MOB1B: variants seen among roughly 807,000 people sequenced by gnomAD.
MOB1B encodes MOB kinase activator 1B.
A neutral mutation model predicts 24.4 loss-of-function variants in MOB1B; 19 were observed. The ratio of observed to expected loss-of-function variants is 0.78; its 90% CI spans 0.54 to 1.14. The LOEUF is 1.14. Among genes scored for constraint, MOB1B ranks in the 50% most tolerant of loss-of-function variants. The pLI, the probability that MOB1B is intolerant of heterozygous loss-of-function variation, is 0.00. For missense variants in MOB1B, 243 were observed against 259.6 expected (o/e 0.94, Z 0.44); for synonymous variants, 76 against 82.1 (o/e 0.93, Z 0.40).
intron 1 of MOB1B, among the ~76,000 whole-genome samples, chr4:70,933,220 C>T (rs970981261): frequency 6.6e-6 from 1 of 152,160 alleles, no homozygotes; most frequent in Non-Finnish European, 1.5e-5. Context: ...AAATCACTGT[C>T]ACAAGAACAG....
chr4:70,955,914 T>C (rs915841193), intron 1 of MOB1B, among the ~76,000 whole-genome samples: 4 of 152,106 alleles, frequency 2.6e-5, no homozygotes, highest in Non-Finnish European at 5.9e-5. Flanking sequence ...TTTATTTTTA[T>C]TTTTTGGAGG....
chr4:70,910,649 CCTTTAT>C (rs1254039040), intron 1 of MOB1B, among the ~76,000 whole-genome samples: 1 of 151,762 alleles, frequency 6.6e-6, no homozygotes, highest in African/African-American at 2.4e-5. Context: ...ATATTTTTAA[CCTTTAT>C]CTTTAGTGTA....
intron 1 of MOB1B, among the ~76,000 whole-genome samples, chr4:70,923,541 A>G (rs1441868985): frequency 6.6e-6 from 1 of 152,094 alleles, no homozygotes; most frequent in Non-Finnish European, 1.5e-5. Context: ...CTGTCTGCCT[A>G]AGTCTTTTTG....
intron 2 of MOB1B, among the ~76,000 whole-genome samples, chr4:70,969,510 G>A (rs1016961063): frequency 6.6e-6 from 1 of 152,148 alleles, no homozygotes; most frequent in African/African-American, 2.4e-5. Context: ...CTATGGAATG[G>A]CATCTCACTA....
At chr4:70,934,598 C>T (rs183270345) in intron 1 of MOB1B, among the ~76,000 whole-genome samples, 116 of 151,536 alleles carry the variant, frequency 7.7e-4, no homozygotes, top group Admixed American at 3.9e-3. Flanking sequence ...GGATTACAGG[C>T]GACTGCCACC....
intron 1 of MOB1B, among the ~76,000 whole-genome samples, chr4:70,946,991 G>T (rs918342340): frequency 6.6e-6 from 1 of 152,064 alleles, no homozygotes; most frequent in South Asian, 2.1e-4. Context: ...TCAAAACTAG[G>T]GTGCTTCAAA....
At chr4:70,954,596 C>T (rs1430978818) in intron 1 of MOB1B, among the ~76,000 whole-genome samples, 1 of 151,278 alleles carries the variant, frequency 6.6e-6, no homozygotes, top group Non-Finnish European at 1.5e-5. Context: ...GCTGGGATTA[C>T]AGGCCTGCGC....
At chr4:70,926,891 G>A (rs542716743) in intron 1 of MOB1B, among the ~76,000 whole-genome samples, 6 of 152,134 alleles carry the variant, frequency 3.9e-5, no homozygotes, top group African/African-American at 1.4e-4. Context: ...CATCTACTTG[G>A]GAGGCTGAGG....
At chr4:70,930,148 ATAGTC>A (rs1352934715) in intron 1 of MOB1B, among the ~76,000 whole-genome samples, 1 of 152,194 alleles carries the variant, frequency 6.6e-6, no homozygotes, top group Non-Finnish European at 1.5e-5. Flanking sequence ...AGCATATAGT[ATAGTC>A]TATAAGGGTG....
intron 5 of MOB1B, among the ~76,000 whole-genome samples, chr4:70,981,458 CTTTAA>C (rs1354940816): frequency 2.0e-5 from 3 of 152,138 alleles, no homozygotes; most frequent in African/African-American, 4.8e-5. Flanking sequence ...CTTCACAGGA[CTTTAA>C]TTTATCATTT....
At chr4:70,904,936 A>G (rs1224158964) in intron 1 of MOB1B, among the ~76,000 whole-genome samples, 1 of 152,158 alleles carries the variant, frequency 6.6e-6, no homozygotes. Context: ...CCTGAAGGTT[A>G]GTAACTACAA....
intron 1 of MOB1B, among the ~76,000 whole-genome samples, chr4:70,933,736 G>C (rs1036818562): frequency 4.6e-5 from 7 of 151,996 alleles, no homozygotes; most frequent in African/African-American, 1.7e-4. Context: ...ATTTTTAGTA[G>C]AGATGGGGTT....
chr4:70,921,050 A>T (rs1736417650), intron 1 of MOB1B, among the ~76,000 whole-genome samples: 2 of 152,282 alleles, frequency 1.3e-5, no homozygotes, highest in South Asian at 2.1e-4. Flanking sequence ...ATGGTTTTTT[A>T]TATATATGCA....
At chr4:70,905,793 A>G (rs913628888) in intron 1 of MOB1B, among the ~76,000 whole-genome samples, 65 of 152,194 alleles carry the variant, frequency 4.3e-4, no homozygotes, top group African/African-American at 1.4e-3. Flanking sequence ...GGCCGGGCAC[A>G]GTGGCTCCTG....
intron 1 of MOB1B, among the ~76,000 whole-genome samples, chr4:70,943,613 A>G (rs2148886215): frequency 6.6e-6 from 1 of 152,320 alleles, no homozygotes; most frequent in African/African-American, 2.4e-5. Context: ...AAAAATACCC[A>G]AGTGAATAAG....
chr4:70,963,702 C>A (rs1246904019), intron 2 of MOB1B, among the ~76,000 whole-genome samples: 1 of 152,088 alleles, frequency 6.6e-6, no homozygotes, highest in Non-Finnish European at 1.5e-5. Context: ...CACCTGTGGT[C>A]CCAGCTACTT....
At chr4:70,950,599 T>C (rs1737762514) in intron 1 of MOB1B, 1 of 522,126 alleles carries the variant, frequency 1.9e-6, no homozygotes, top group African/African-American at 1.9e-5. Flanking sequence ...ATATCAGAGT[T>C]ACTAGGATTA....
At chr4:70,981,860 A>T (rs1739222843) in intron 5 of MOB1B, 120 bp from the exon 6 acceptor site, 1 of 661,288 alleles carries the variant, frequency 1.5e-6, no homozygotes, top group African/African-American at 1.8e-5. Context: ...AGAAAAAAAT[A>T]ATCTACTTTT....
intron 1 of MOB1B, among the ~76,000 whole-genome samples, chr4:70,920,488 G>C (rs1329555651): frequency 1.3e-5 from 2 of 152,240 alleles, no homozygotes; most frequent in Non-Finnish European, 2.9e-5. Context: ...GCCTCCTAAA[G>C]TGCTAGGATT....
Sources: allele counts gnomAD v4.1 joint callset (sites outside exome capture counted in the v4.1 genomes callset), GRCh38; gene constraint gnomAD v4.1.1; transcripts MANE v1.5; gene names NCBI Gene and HGNC (gene_info 2026-07-23, HGNC 2026-07-21).